Variants in RASGRF2 observed in about 807,000 individuals in gnomAD.
The protein encoded by RASGRF2 is Ras protein specific guanine nucleotide releasing factor 2, also known as ras-specific guanine nucleotide-releasing factor 2.
In RASGRF2, 76 loss-of-function variants were observed where a neutral mutation model predicts 151.0. That is an observed-to-expected ratio of 0.50 (90% confidence interval 0.42 to 0.61). The LOEUF (loss-of-function observed/expected upper bound fraction) is 0.61. RASGRF2 is among the 20% of genes least tolerant of loss of function. RASGRF2 has a pLI of 0.00. For missense variants in RASGRF2, 1,148 were observed against 1,564.6 expected, an observed-to-expected ratio of 0.73 and a Z score of 4.49; for synonymous variants, 504 against 566.5, an observed-to-expected ratio of 0.89 and a Z score of 1.57.
chr5:81,207,613 T>A (rs1755539448), intron 21 of RASGRF2, among the ~76,000 whole-genome samples: 1 of 152,216 alleles, frequency 6.6e-6, no homozygotes, highest in Non-Finnish European at 1.5e-5. Flanking sequence ...GTGTTTTTAA[T>A]GACTATACAA....
intron 1 of RASGRF2, among the ~76,000 whole-genome samples, chr5:80,975,980 G>T (rs1270801921): frequency 6.6e-6 from 1 of 151,970 alleles, no homozygotes; most frequent in Non-Finnish European, 1.5e-5. Context: ...GAGTAGCTGG[G>T]ATTACAGGCA....
chr5:81,166,792 T>A (rs1459989534), intron 17 of RASGRF2, among the ~76,000 whole-genome samples: 1 of 152,086 alleles, frequency 6.6e-6, no homozygotes, highest in Non-Finnish European at 1.5e-5. Flanking sequence ...GCTCCTTTTG[T>A]GACCAAAAAG....
At chr5:81,208,239 C>A in intron 21 of RASGRF2, 115 bp from the exon 22 acceptor site, 1 of 799,978 alleles carries the variant, frequency 1.3e-6, no homozygotes, top group Non-Finnish European at 1.9e-6. Context: ...GTGTCAGGAA[C>A]CATTCTAGGC....
Position 81,206,827 on chromosome 5 carries a change from A to T in RASGRF2, c.2907-18A>T. 6.3e-7 allele frequency: 1 copy of T among 1,597,288 alleles called. No individual in the cohort carries two copies. The highest frequency in any genetic ancestry group is 1.1e-5 in the South Asian group (1 of 90,696). Reference sequence around the variant, plus strand: ...TCTATTTTTTCTTTCATGGAGGATAATTTGATATCTTTTTCAGGGCCCTTT... The same window carrying T: ...TCTATTTTTTCTTTCATGGAGGATATTTTGATATCTTTTTCAGGGCCCTTT... On this transcript the variant is annotated intron_variant, in intron 19 of 26. Coordinates refer to ENST00000265080, the MANE Select transcript of RASGRF2 (RefSeq NM_006909.3).
intron 1 of RASGRF2, among the ~76,000 whole-genome samples, chr5:81,027,146 C>CT (rs1235501654): frequency 6.6e-6 from 1 of 152,146 alleles, no homozygotes; most frequent in Non-Finnish European, 1.5e-5. Flanking sequence ...TTCCAGAATG[C>CT]TTTCATCATT....
At chr5:81,218,788 C>G (rs1425140104) in intron 25 of RASGRF2, among the ~76,000 whole-genome samples, 3 of 152,130 alleles carry the variant, frequency 2.0e-5, no homozygotes, top group Non-Finnish European at 4.4e-5. Context: ...TTGCTTTTGG[C>G]AGTATGGTCA....
intron 17 of RASGRF2, among the ~76,000 whole-genome samples, chr5:81,132,524 C>T (rs1294879949): frequency 6.6e-6 from 1 of 152,056 alleles, no homozygotes; most frequent in East Asian, 1.9e-4. Context: ...GAGCTGAGCA[C>T]CTGGTAGACT....
chr5:80,977,553 C>G (rs1265965691), intron 1 of RASGRF2, among the ~76,000 whole-genome samples: 1 of 152,116 alleles, frequency 6.6e-6, no homozygotes, highest in East Asian at 1.9e-4. Flanking sequence ...ACCTCCATCT[C>G]CTGGGTTCAA....
chr5:81,015,935 A>C (rs1749620764), intron 1 of RASGRF2, among the ~76,000 whole-genome samples: 1 of 152,210 alleles, frequency 6.6e-6, no homozygotes, highest in South Asian at 2.1e-4. Flanking sequence ...TTTCCAAGCT[A>C]ATTTGATAAG....
chr5:81,060,807 A>C (rs1751407235), intron 2 of RASGRF2, among the ~76,000 whole-genome samples: 1 of 152,220 alleles, frequency 6.6e-6, no homozygotes, highest in African/African-American at 2.4e-5. Context: ...GAAATATTGG[A>C]AAGTATGGAA....
At chr5:81,045,633 G>C (rs1290577103) in intron 2 of RASGRF2, among the ~76,000 whole-genome samples, 1 of 151,982 alleles carries the variant, frequency 6.6e-6, no homozygotes, top group East Asian at 1.9e-4. Context: ...TTGACTTTTT[G>C]GTCCATTAGG....
intron 15 of RASGRF2, among the ~76,000 whole-genome samples, chr5:81,119,443 A>C (rs534507413): frequency 7.9e-5 from 12 of 152,254 alleles, no homozygotes; most frequent in Non-Finnish European, 1.6e-4. Context: ...CAGAGTACTC[A>C]TGATGTAGTC....
At chr5:81,075,192 G>C (rs1751901183) in intron 5 of RASGRF2, among the ~76,000 whole-genome samples, 1 of 152,210 alleles carries the variant, frequency 6.6e-6, no homozygotes, top group Non-Finnish European at 1.5e-5. Context: ...GTTGGATTCT[G>C]GGTGTATTTT....
intron 18 of RASGRF2, among the ~76,000 whole-genome samples, chr5:81,187,324 G>A (rs1755047175): frequency 6.6e-6 from 1 of 152,234 alleles, no homozygotes; most frequent in Non-Finnish European, 1.5e-5. Context: ...GGAATTAAAT[G>A]TTAATAGTCC....
intron 1 of RASGRF2, among the ~76,000 whole-genome samples, 186 bp downstream of exon 1, chr5:80,961,212 C>G (rs1359936422): frequency 1.3e-5 from 2 of 152,224 alleles, no homozygotes; most frequent in Non-Finnish European, 2.9e-5. Context: ...ATTCTCCCAT[C>G]TCCATACCCC....
Position 81,047,566 on chromosome 5 carries a change from G to A in RASGRF2, c.395+4583G>A, listed in dbSNP as rs1750877138. On this transcript the variant is annotated intron_variant, in intron 2 of 26. Transcript: ENST00000265080. ...AGGGTGTATCTTGAGCAGGCAGATC[G>A]TAGGTTTTCCTTTAAGGGCAGAGCA... Among the ~76,000 whole-genome samples the A allele has an allele frequency of 2.0e-5, 3 of 152,166 alleles. No homozygotes were observed. The South Asian group carries it at 6.2e-4, about 31-fold the overall frequency.
chr5:81,044,612 TTTTA>T (rs759733051), intron 2 of RASGRF2, among the ~76,000 whole-genome samples: 4 of 152,204 alleles, frequency 2.6e-5, no homozygotes, highest in African/African-American at 4.8e-5. Context: ...ACTTATCTTT[TTTTA>T]TTCTTCACAA....
At chr5:81,131,442 C>T (rs1046001313) in intron 17 of RASGRF2, among the ~76,000 whole-genome samples, 1 of 152,062 alleles carries the variant, frequency 6.6e-6, no homozygotes, top group Non-Finnish European at 1.5e-5. Context: ...GAAACCTCTG[C>T]CTCCCAGGTT....
intron 1 of RASGRF2, among the ~76,000 whole-genome samples, chr5:80,970,056 C>G (rs184415677): frequency 6.6e-6 from 1 of 150,758 alleles, no homozygotes; most frequent in African/African-American, 2.4e-5. Context: ...AACTCCTAAC[C>G]TCAGGTGATC....
Sources: allele counts gnomAD v4.1 joint callset (sites outside exome capture counted in the v4.1 genomes callset), GRCh38; gene constraint gnomAD v4.1.1; transcripts MANE v1.5; gene names NCBI Gene and HGNC (gene_info 2026-07-23, HGNC 2026-07-21).